TENM3: variants seen among roughly 807,000 people sequenced by gnomAD.
The protein encoded by TENM3 is teneurin-3.
Under a neutral mutation model 255.1 loss-of-function variants are expected in TENM3, and 63 were observed. The ratio of observed to expected loss-of-function variants is 0.25; its 90% CI spans 0.20 to 0.30. The LOEUF (loss-of-function observed/expected upper bound fraction) is 0.30, where lower values mean the gene tolerates loss of function less well. TENM3 is among the 10% of genes least tolerant of loss of function. The pLI is 1.00. For missense variants in TENM3, 2,929 were observed against 3,461.1 expected, an observed-to-expected ratio of 0.85 and a Z score of 3.86; for synonymous variants, 1,306 against 1,322.3, an observed-to-expected ratio of 0.99 and a Z score of 0.27.
chr4:181,509,723 G>A, the TENM3 span, among the ~76,000 whole-genome samples: 578 of 152,272 alleles, frequency 3.8e-3, no homozygotes, highest in Middle Eastern at 0.02. Flanking sequence ...AGGAATTTAC[G>A]GAGGTGCTAA....
the TENM3 span, among the ~76,000 whole-genome samples, chr4:181,987,025 T>G: frequency 6.6e-6 from 1 of 152,074 alleles, no homozygotes; most frequent in Admixed American, 6.6e-5. Context: ...TTCTAATATA[T>G]CTTCCTTGAA....
the TENM3 span, among the ~76,000 whole-genome samples, chr4:181,909,886 T>A: frequency 6.6e-6 from 1 of 152,228 alleles, no homozygotes; most frequent in Non-Finnish European, 1.5e-5. Context: ...ATTCTTTGTA[T>A]GACAAAACAA....
chr4:182,253,779 G>A (rs1454386829), intron 1 of TENM3, among the ~76,000 whole-genome samples: 1 of 152,060 alleles, frequency 6.6e-6, no homozygotes, highest in Non-Finnish European at 1.5e-5. Flanking sequence ...TTTAAACGAA[G>A]TTCATACTTA....
At chr4:182,219,186 C>T (rs993560009) in intron 1 of TENM3, among the ~76,000 whole-genome samples, 101 of 152,118 alleles carry the variant, frequency 6.6e-4, no homozygotes, top group African/African-American at 2.4e-3. Flanking sequence ...CACGCCACTG[C>T]CCTCCAGCCT....
chr4:181,820,828 T>A, the TENM3 span, among the ~76,000 whole-genome samples: 1 of 152,336 alleles, frequency 6.6e-6, no homozygotes, highest in East Asian at 1.9e-4. Flanking sequence ...CAGAGGCTCA[T>A]GTTTTTCCCT....
Position 182,319,002 on chromosome 4 carries a change from A to G in TENM3, c.-75-4944A>G, listed in dbSNP as rs1354968423. Among the ~76,000 whole-genome samples the G allele has an allele frequency of 5.3e-5, 8 of 152,294 alleles. No homozygotes were observed. In the East Asian group the frequency reaches 1.5e-3, roughly 29 times the overall value. ...AGGCTGGTCTTGAACTCCTGGGCTC[A>G]AGCAGTCCTCTCACCTCAGCCTCCC... On this transcript the variant is annotated intron_variant, in intron 1 of 27. Transcript: ENST00000511685.
chr4:182,445,689 C>G (rs1772858183), intron 3 of TENM3, among the ~76,000 whole-genome samples: 1 of 151,974 alleles, frequency 6.6e-6, no homozygotes, highest in South Asian at 2.1e-4. Flanking sequence ...GGTGTTCGGT[C>G]ATTAGATTTT....
intron 18 of TENM3, among the ~76,000 whole-genome samples, chr4:182,742,196 G>C (rs1008108936): frequency 6.6e-6 from 1 of 152,220 alleles, no homozygotes; most frequent in Admixed American, 6.5e-5. Context: ...TCTGTATAGA[G>C]CAATGGCAAA....
the TENM3 span, among the ~76,000 whole-genome samples, chr4:181,989,172 G>A: frequency 5.3e-5 from 8 of 152,064 alleles, no homozygotes; most frequent in Non-Finnish European, 1.2e-4. Context: ...TAGACCAGGG[G>A]AACAGAAGGC....
the TENM3 span, among the ~76,000 whole-genome samples, chr4:182,053,149 A>T: frequency 2.0e-5 from 3 of 151,974 alleles, no homozygotes; most frequent in South Asian, 6.2e-4. Context: ...ACCAGATGAG[A>T]TGCAATACTC....
intron 3 of TENM3, among the ~76,000 whole-genome samples, chr4:182,436,022 A>G (rs901072980): frequency 6.6e-6 from 1 of 151,834 alleles, no homozygotes; most frequent in African/African-American, 2.4e-5. Flanking sequence ...TTTTTACTAG[A>G]TACAGTGATA....
intron 1 of TENM3, among the ~76,000 whole-genome samples, chr4:182,229,018 G>A (rs761010085): frequency 7.3e-4 from 111 of 152,304 alleles, no homozygotes; most frequent in African/African-American, 7.9e-4. Flanking sequence ...TGACAGCCCC[G>A]TGTAAATAAG....
At chr4:181,640,750 G>A in the TENM3 span, among the ~76,000 whole-genome samples, 40 of 152,290 alleles carry the variant, frequency 2.6e-4, no homozygotes, top group African/African-American at 9.1e-4. Context: ...TGATGCCGGC[G>A]TTGCAGCAGC....
the TENM3 span, among the ~76,000 whole-genome samples, chr4:182,104,197 C>T: frequency 1.4e-4 from 21 of 152,204 alleles, no homozygotes; most frequent in African/African-American, 5.1e-4. Context: ...AGCTCCCAAA[C>T]ATGTTGTAAG....
chr4:182,000,104 C>T, the TENM3 span, among the ~76,000 whole-genome samples: 10 of 152,000 alleles, frequency 6.6e-5, no homozygotes, highest in Admixed American at 2.0e-4. Context: ...TACGTCATAT[C>T]AACTGGTTTT....
At chr4:181,855,293 C>A in the TENM3 span, among the ~76,000 whole-genome samples, 1 of 152,116 alleles carries the variant, frequency 6.6e-6, no homozygotes, top group Non-Finnish European at 1.5e-5. Flanking sequence ...CAAAATACCA[C>A]ATGAAATTAG....
the TENM3 span, among the ~76,000 whole-genome samples, chr4:181,986,842 C>T: frequency 2.0e-4 from 30 of 151,994 alleles, no homozygotes; most frequent in African/African-American, 6.5e-4. Flanking sequence ...CATCTATAGG[C>T]ACAAAAAGGT....
At chr4:182,205,728 A>T (rs1348885643) in intron 1 of TENM3, among the ~76,000 whole-genome samples, 1 of 152,242 alleles carries the variant, frequency 6.6e-6, no homozygotes, top group African/African-American at 2.4e-5. Context: ...TTTGCAAATT[A>T]TTCTTCTCAC....
the TENM3 span, among the ~76,000 whole-genome samples, chr4:181,468,091 T>C: frequency 1.4e-5 from 2 of 145,682 alleles, no homozygotes; most frequent in Non-Finnish European, 3.0e-5. Flanking sequence ...AGCCCAGAAG[T>C]TCAAGACCAG....
Sources: allele counts gnomAD v4.1 joint callset (sites outside exome capture counted in the v4.1 genomes callset), GRCh38; gene constraint gnomAD v4.1.1; transcripts MANE v1.5; gene names NCBI Gene and HGNC (gene_info 2026-07-23, HGNC 2026-07-21).